The following FAT3 variants were observed in gnomAD, a reference collection of about 807,000 sequenced individuals.
FAT3 encodes protocadherin Fat 3.
Under a neutral mutation model 310.2 loss-of-function variants are expected in FAT3, and 95 were observed. The ratio of observed to expected loss-of-function variants is 0.31; its 90% CI spans 0.26 to 0.36. The LOEUF (loss-of-function observed/expected upper bound fraction) is 0.36. FAT3 is among the 10% of genes least tolerant of loss of function. The pLI, the probability that FAT3 is intolerant of heterozygous loss-of-function variation, is 1.00. For missense variants in FAT3, 5,408 were observed against 5,715.6 expected, an observed-to-expected ratio of 0.95 and a Z score of 1.74; for synonymous variants, 2,314 against 2,192.9, an observed-to-expected ratio of 1.06 and a Z score of -1.54.
At chr11:92,505,454 G>A (rs774674221) in intron 2 of FAT3, among the ~76,000 whole-genome samples, 4 of 152,158 alleles carry the variant, frequency 2.6e-5, no homozygotes, top group Non-Finnish European at 5.9e-5. Flanking sequence ...AGCTGAAAGT[G>A]CCAGTGTGGT....
chr11:92,489,508 CTATACGATAGTT>C (rs1952537991), intron 2 of FAT3, among the ~76,000 whole-genome samples: 1 of 151,958 alleles, frequency 6.6e-6, no homozygotes, highest in Non-Finnish European at 1.5e-5. Context: ...GCAGTGGCCT[CTATACGATAGTT>C]TGTTTTTGCC....
intron 19 of FAT3, among the ~76,000 whole-genome samples, chr11:92,855,372 C>T (rs894790247): frequency 1.3e-5 from 2 of 152,178 alleles, no homozygotes; most frequent in Non-Finnish European, 2.9e-5. Context: ...AATTTTTCCT[C>T]CTCTGGTCCC....
intron 22 of FAT3, among the ~76,000 whole-genome samples, chr11:92,877,857 A>G (rs1448457693): frequency 3.9e-5 from 6 of 152,230 alleles, no homozygotes; most frequent in Non-Finnish European, 7.3e-5. Context: ...TTACATCTCA[A>G]TAAACTCATC....
chr11:92,837,562 C>G (rs1244966706), intron 16 of FAT3, 101 bp from the exon 17 acceptor site: 1 of 1,392,802 alleles, frequency 7.2e-7, no homozygotes, highest in African/African-American at 1.4e-5. Flanking sequence ...AAGATGGTTG[C>G]TCTTTAACAA....
chr11:92,386,969 C>A (rs1949638312), intron 2 of FAT3, among the ~76,000 whole-genome samples: 1 of 152,092 alleles, frequency 6.6e-6, no homozygotes. Context: ...TTGCTGTTGC[C>A]ACCGTCTTGT....
chr11:92,800,836 G>A lies in FAT3; in HGVS notation c.7823G>A (p.Ser2608Asn). 1.2e-6 allele frequency: 2 copies of A among 1,613,814 alleles called. No homozygotes were observed. Among genetic ancestry groups the A allele is most frequent in the Non-Finnish European group, 1.7e-6 (2 of 1,179,848 alleles). ...TTCATGACAGTGGAATATAGAGCCA[G>A]TGTCAGGGCAGATGTTGGAAGGGGC... ...PQFMTVEYRA[S>N]VRADVGRGHL... is the part of the protein sequence containing the mutation. Residue 2608 changes from serine (S) to asparagine (N), a missense_variant, in exon 10 of 28, where the codon AGT becomes AAT. Physicochemically the swap from Ser to Asn is conservative, Grantham distance 46. Around this residue, in one of 5 missense-constraint regions of FAT3, gnomAD observed 4,588 missense variants for 4,809.8 expected, o/e 0.95. Coordinates refer to ENST00000525166, the MANE Select transcript of FAT3 (RefSeq NM_001367949.2).
At chr11:92,818,171 A>G (rs1165642963) in intron 13 of FAT3, among the ~76,000 whole-genome samples, 2 of 152,358 alleles carry the variant, frequency 1.3e-5, no homozygotes, top group African/African-American at 4.8e-5. Flanking sequence ...TTCTATCGTC[A>G]GCCTTCTGAT....
intron 6 of FAT3, among the ~76,000 whole-genome samples, chr11:92,772,397 C>T (rs2136111862): frequency 6.6e-6 from 1 of 152,018 alleles, no homozygotes; most frequent in South Asian, 2.1e-4. Context: ...GATGGTTTTT[C>T]AAGACACTCA....
intron 1 of FAT3, among the ~76,000 whole-genome samples, chr11:92,295,555 C>A (rs999733496): frequency 6.6e-6 from 1 of 152,124 alleles, no homozygotes; most frequent in Non-Finnish European, 1.5e-5. Flanking sequence ...GATCAGTTAT[C>A]TTGTATTTAA....
intron 2 of FAT3, among the ~76,000 whole-genome samples, chr11:92,472,881 C>T (rs576417622): frequency 6.6e-6 from 1 of 152,302 alleles, no homozygotes; most frequent in Admixed American, 6.5e-5. Context: ...GCCCCCTCTG[C>T]CCCCTTGCCC....
chr11:92,296,764 G>C (rs1367147062), intron 1 of FAT3, among the ~76,000 whole-genome samples: 1 of 152,084 alleles, frequency 6.6e-6, no homozygotes, highest in African/African-American at 2.4e-5. Context: ...GTTTGCGGAT[G>C]GTGCCTGAAG....
At chr11:92,330,997 TGTGTGTGA>T (rs1201254802) in intron 1 of FAT3, among the ~76,000 whole-genome samples, 10 of 124,212 alleles carry the variant, frequency 8.1e-5, no homozygotes, top group African/African-American at 3.1e-4. Context: ...TGTGTGTGTG[TGTGTGTGA>T]GAGAGAGAGA....
chr11:92,573,039 C>G (rs1938265618), intron 3 of FAT3, among the ~76,000 whole-genome samples: 1 of 152,106 alleles, frequency 6.6e-6, no homozygotes, highest in Admixed American at 6.6e-5. Flanking sequence ...ATCTCCTATT[C>G]TATTTTCTTT....
At chr11:92,489,457 T>A (rs941939007) in intron 2 of FAT3, among the ~76,000 whole-genome samples, 9 of 152,094 alleles carry the variant, frequency 5.9e-5, no homozygotes, top group Non-Finnish European at 1.3e-4. Context: ...TGTGGTGAGA[T>A]CTTATGGAGA....
chr11:92,569,358 G>A (rs1955588899), intron 3 of FAT3, among the ~76,000 whole-genome samples: 2 of 152,190 alleles, frequency 1.3e-5, no homozygotes, highest in Non-Finnish European at 2.9e-5. Context: ...AGCTACTGTT[G>A]TTAAAATGCA....
chr11:92,753,595 A>G (rs921866778), intron 4 of FAT3, among the ~76,000 whole-genome samples: 2 of 152,108 alleles, frequency 1.3e-5, no homozygotes, highest in Admixed American at 6.6e-5. Flanking sequence ...GAAAAAAGGA[A>G]TCCCTTGTAC....
chr11:92,829,380 A>G (rs1338373238), intron 13 of FAT3, among the ~76,000 whole-genome samples: 1 of 152,190 alleles, frequency 6.6e-6, no homozygotes, highest in African/African-American at 2.4e-5. Context: ...GTGTGATTTG[A>G]AAACCTGTGT....
intron 3 of FAT3, among the ~76,000 whole-genome samples, chr11:92,676,929 A>T (rs1479999127): frequency 6.6e-6 from 1 of 152,232 alleles, no homozygotes; most frequent in East Asian, 1.9e-4. Flanking sequence ...TAGAACTGGA[A>T]AGAAAGGCTG....
At chr11:92,288,365 T>C (rs752549564) in intron 1 of FAT3, among the ~76,000 whole-genome samples, 6 of 152,174 alleles carry the variant, frequency 3.9e-5, no homozygotes, top group Non-Finnish European at 7.4e-5. Flanking sequence ...TCTAAAGATC[T>C]GCTCTACAGC....
Sources: allele counts gnomAD v4.1 joint callset (sites outside exome capture counted in the v4.1 genomes callset), GRCh38; gene constraint gnomAD v4.1.1; regional missense constraint gnomAD v4.1.1; transcripts MANE v1.5; gene names NCBI Gene and HGNC (gene_info 2026-07-23, HGNC 2026-07-21).